CELSR1: variants seen among roughly 807,000 people sequenced by gnomAD.
CELSR1 encodes cadherin EGF LAG seven-pass G-type receptor 1.
A neutral mutation model predicts 249.1 loss-of-function variants in CELSR1; 110 were observed. The observed-to-expected ratio is 0.44, with a 90% confidence interval of 0.38 to 0.52. CELSR1 has a LOEUF of 0.52. Among genes scored for constraint, CELSR1 ranks in the 20% least tolerant of loss-of-function variants. The probability of loss-of-function intolerance (pLI) is 0.00; values close to 1 mark genes in which losing one functional copy is unlikely to be tolerated. For synonymous variants in CELSR1, 2,113 were observed against 1,900.0 expected, an observed-to-expected ratio of 1.11 and a Z score of -2.92; for missense variants, 4,109 against 4,296.4, an observed-to-expected ratio of 0.96 and a Z score of 1.22.
In CELSR1 at chr22:46,464,246, G is replaced by T. The variant is rs1241712473; in HGVS notation, c.3644C>A (p.Ser1215Tyr). 1.2e-6 allele frequency: 2 copies of T among 1,613,638 alleles called. No homozygotes were observed. Among genetic ancestry groups the T allele is most frequent in the Admixed American group, 1.7e-5 (1 of 60,010 alleles). ...NSITVRLENM[S>Y]QEKFLSPLLA... Reference sequence around the variant, plus strand: ...CAGCGGGGACAGGAACTTCTCCTGGGACATGTTCTCCAGGCGGACAGTGAT... The same window carrying T: ...CAGCGGGGACAGGAACTTCTCCTGGTACATGTTCTCCAGGCGGACAGTGAT... The change falls in exon 2 of 35, where the codon TCC becomes TAC. Residue 1215 changes from serine to tyrosine, a missense_variant. Ser to Tyr is a moderately radical substitution (Grantham distance 144, BLOSUM62 -2). Transcript: ENST00000674500. This position sits in a 1 kb window ranked among gnomAD's most constrained non-coding sequence, Gnocchi z 8.5.
chr22:46,378,828 C>T (rs2078947241), intron 22 of CELSR1, 111 bp from the exon 23 acceptor site: 1 of 1,396,392 alleles, frequency 7.2e-7, no homozygotes, highest in Non-Finnish European at 9.6e-7. Flanking sequence ...CCTGGCCAAA[C>T]CAAACAGCAG....
At position 46,380,656 on chromosome 22, in the gene CELSR1, G is replaced by A. The variant is rs531780838; in HGVS notation, c.7256+132C>T. On this transcript the variant is annotated intron_variant, in intron 22 of 34. Transcript: ENST00000674500. This position sits in a 1 kb window ranked among gnomAD's most constrained non-coding sequence, Gnocchi z 5.1. ...AGAGCAGGAGGCTCACTGCCCCCAC[G>A]GGGGACTTAAAGGGGAAACACAGAC... 39 of 1,039,660 alleles carry A rather than the reference G, an allele frequency of 3.8e-5. No homozygotes were observed. In the East Asian group the frequency reaches 5.1e-4, roughly 14 times the overall value. The allele number at this position is 1,039,660 out of a possible 1,614,324, so 64.4% of individuals were successfully genotyped here.
intron 25 of CELSR1, chr22:46,370,337 C>A: frequency 2.9e-6 from 1 of 345,662 alleles, no homozygotes; most frequent in Non-Finnish European, 5.8e-6. Context: ...TATACACATG[C>A]ATGCAGACAC....
chr22:46,496,178 G>T (rs961040643), intron 1 of CELSR1, among the ~76,000 whole-genome samples: 25 of 146,002 alleles, frequency 1.7e-4, no homozygotes, highest in African/African-American at 6.1e-4. Context: ...TCCAGCCTGG[G>T]CAACAGAATG....
Position 46,517,609 on chromosome 22 carries a change from C to A in CELSR1, c.3544+16018G>T, listed in dbSNP as rs1341441840. ...CCCTGAGCTTCCCGTCCTGCACACA[C>A]AGACGCACCCCTGACCTCTGACGGC... On this transcript the variant is annotated intron_variant, in intron 1 of 34. Transcript: ENST00000674500. The surrounding 1 kb of genome is among the most constrained non-coding windows in gnomAD (Gnocchi z 5.4). Among the ~76,000 whole-genome samples, 1 of 152,256 alleles carries A rather than the reference C, an allele frequency of 6.6e-6. No individual in the cohort carries two copies. Among genetic ancestry groups the A allele is most frequent in the Non-Finnish European group, 1.5e-5 (1 of 68,052 alleles).
rs1395490028 is a variant in CELSR1 at position 46,369,800 on chromosome 22, C to T, written c.7764G>A (p.Leu2588=). The change falls in exon 26 of 35, where the codon CTG becomes CTA. Residue 2588 remains leucine, a synonymous_variant. Transcript: ENST00000674500. ...GWGIPAIVTG[L]AVGLDPQGYG... ...AGCCCTGGGGGTCCAGGCCGACCGCCAGTCCTGAACACAGCGGGGAGGAAG... is the reference window on the plus strand; with the variant it reads ...AGCCCTGGGGGTCCAGGCCGACCGCTAGTCCTGAACACAGCGGGGAGGAAG... The T allele has an allele frequency of 6.2e-7, 1 of 1,612,874 alleles. No individual in the cohort carries two copies. The highest frequency in any genetic ancestry group is 8.5e-7 in the Non-Finnish European group (1 of 1,179,842).
intron 9 of CELSR1, among the ~76,000 whole-genome samples, chr22:46,403,481 C>G (rs1185668339): frequency 6.6e-6 from 1 of 151,860 alleles, no homozygotes; most frequent in East Asian, 1.9e-4. Context: ...GGCATGAACC[C>G]AGGAGGTGGA....
chr22:46,394,979 C>T (rs544642558), intron 13 of CELSR1, among the ~76,000 whole-genome samples: 37 of 152,222 alleles, frequency 2.4e-4, no homozygotes, highest in Middle Eastern at 3.2e-3. Flanking sequence ...TGAAGGCCCA[C>T]CTGCCTGCAA....
At chr22:46,460,215 A>ACACC (rs1555922672) in intron 2 of CELSR1, among the ~76,000 whole-genome samples, 35 of 139,776 alleles carry the variant, frequency 2.5e-4, no homozygotes, top group Non-Finnish European at 3.9e-4. Flanking sequence ...ACACACACAC[A>ACACC]CCCATTAGCT....
At chr22:46,373,158 C>G in intron 24 of CELSR1, 101 bp from the exon 25 acceptor site, 1 of 1,258,604 alleles carries the variant, frequency 7.9e-7, no homozygotes, top group South Asian at 1.5e-5. Context: ...ACAATTCGGA[C>G]CACCCTATGT....
rs2079208432 is a variant in CELSR1 at position 46,401,288 on chromosome 22, G to C, written c.5227-1386C>G. ...AAATAAGGTAGGCCAAGGGCAGCGT[G>C]AAAATCTTAGATCTCCTAAGAAAGG... On this transcript the variant is annotated intron_variant, in intron 9 of 34. Transcript: ENST00000674500. The surrounding 1 kb of genome is among the most constrained non-coding windows in gnomAD (Gnocchi z 4.7). Among the ~76,000 whole-genome samples, 2 of 152,192 alleles carry C rather than the reference G, an allele frequency of 1.3e-5. No homozygotes were observed. The highest frequency in any genetic ancestry group is 4.1e-4 in the South Asian group (2 of 4,820).
rs777973605 is a variant in CELSR1, at chr22:46,436,320, A to T, written c.4407-31T>A. 2 of 1,565,214 alleles carry T rather than the reference A, an allele frequency of 1.3e-6. No homozygotes were observed. The highest frequency in any genetic ancestry group is 4.5e-5 in the East Asian group (2 of 44,566). On this transcript the variant is annotated intron_variant, in intron 3 of 34. Coordinates refer to ENST00000674500, the MANE Select transcript of CELSR1 (RefSeq NM_001378328.1). This position sits in a 1 kb window ranked among gnomAD's most constrained non-coding sequence, Gnocchi z 5.9. Reference sequence around the variant, plus strand: ...GGGCCAAGCAGAGGCACATCACAGGATGAAGACCCCAGGGTCCAAAGGCTG... The same window carrying T: ...GGGCCAAGCAGAGGCACATCACAGGTTGAAGACCCCAGGGTCCAAAGGCTG...
chr22:46,468,022 T>A lies in CELSR1; in HGVS notation c.3545-3677A>T, dbSNP rs2080115891. ...AAAGATGAGTCAACCACACCTATGT[T>A]CATAGCAGCGCTATTCACAAGAGCT... On this transcript the variant is annotated intron_variant, in intron 1 of 34. Coordinates refer to ENST00000674500, the MANE Select transcript of CELSR1 (RefSeq NM_001378328.1). This position sits in a 1 kb window ranked among gnomAD's most constrained non-coding sequence, Gnocchi z 4.5. 6.6e-6 allele frequency among the ~76,000 whole-genome samples: 1 copy of A among 152,070 alleles called. No homozygotes were observed. Among genetic ancestry groups the A allele is most frequent in the Admixed American group, 6.6e-5 (1 of 15,256 alleles).
At chr22:46,400,467 C>T (rs955203104) in intron 9 of CELSR1, among the ~76,000 whole-genome samples, 5 of 151,840 alleles carry the variant, frequency 3.3e-5, no homozygotes, top group African/African-American at 9.7e-5. Flanking sequence ...GTGAAACCTG[C>T]CTCTACTAAA....
rs971470917 is a variant in CELSR1, at chr22:46,401,735, C to T, written c.5227-1833G>A. 3.8e-4 allele frequency among the ~76,000 whole-genome samples: 58 copies of T among 152,178 alleles called. No homozygotes were observed. Among genetic ancestry groups the T allele is most frequent in the African/African-American group, 1.4e-3 (57 of 41,432 alleles). ...GTTGTTCCTTGGCTTCTGGTTGGAA[C>T]CCTGAGGGGTTTACACTAACGATAA... On this transcript the variant is annotated intron_variant, in intron 9 of 34. Transcript: ENST00000674500. The surrounding 1 kb of genome is among the most constrained non-coding windows in gnomAD (Gnocchi z 4.7).
chr22:46,428,749 A>G lies in CELSR1; in HGVS notation c.4611+4644T>C, dbSNP rs1223310785. Among the ~76,000 whole-genome samples the G allele has an allele frequency of 4.6e-5, 7 of 152,184 alleles. No homozygotes were observed. Among genetic ancestry groups the G allele is most frequent in the Admixed American group, 1.3e-4 (2 of 15,280 alleles). ...ACATCTGCTTCATGCGGGATCTCCC[A>G]GCAGCTCTGGGCCTCCTGGCGCTCC... On this transcript the variant is annotated intron_variant, in intron 5 of 34. Transcript: ENST00000674500. This position sits in a 1 kb window ranked among gnomAD's most constrained non-coding sequence, Gnocchi z 5.7.
At chr22:46,435,781 C>T (rs180857793) in intron 4 of CELSR1, among the ~76,000 whole-genome samples, 1 of 151,948 alleles carries the variant, frequency 6.6e-6, no homozygotes, top group Non-Finnish European at 1.5e-5. Context: ...CCTCACTGCA[C>T]CCTCTGCTTC....
rs2080579333 is a variant in CELSR1 at position 46,512,069 on chromosome 22, A to G, written c.3544+21558T>C. ...GGTTCTGGGGTCCTGAAGTGCCCCG[A>G]GCCCACCCCCAGATCCCAGCCCAGT... On this transcript the variant is annotated intron_variant, in intron 1 of 34. Transcript: ENST00000674500. The surrounding 1 kb of genome is among the most constrained non-coding windows in gnomAD (Gnocchi z 5.2). Among the ~76,000 whole-genome samples the G allele has an allele frequency of 6.6e-6, 1 of 151,816 alleles. No homozygotes were observed. Among genetic ancestry groups the G allele is most frequent in the Non-Finnish European group, 1.5e-5 (1 of 67,970 alleles).
In CELSR1 at chr22:46,484,309, C is replaced by T. The variant is rs1034553977; in HGVS notation, c.3545-19964G>A. ...GAGGGTCCTGCAGGGGACAGAGTCCCTCCTTCCACCAGCCCAGCCCAGCCC... is the reference window on the plus strand; with the variant it reads ...GAGGGTCCTGCAGGGGACAGAGTCCTTCCTTCCACCAGCCCAGCCCAGCCC... On this transcript the variant is annotated intron_variant, in intron 1 of 34. Transcript: ENST00000674500. The surrounding 1 kb of genome is among the most constrained non-coding windows in gnomAD (Gnocchi z 4.5). 2.6e-5 allele frequency among the ~76,000 whole-genome samples: 4 copies of T among 152,172 alleles called. No individual in the cohort carries two copies. Among genetic ancestry groups the T allele is most frequent in the African/African-American group, 7.2e-5 (3 of 41,462 alleles).
Sources: gnomAD v4.1 joint callset for allele counts (sites outside exome capture counted in the v4.1 genomes callset) on GRCh38, gnomAD v4.1.1 for gene constraint, Gnocchi (gnomAD v3.1) non-coding constraint, MANE v1.5 for transcripts, NCBI Gene and HGNC (gene_info 2026-07-23, HGNC 2026-07-21) for gene names.